The following PLEKHG1 variants were observed in gnomAD, a reference collection of about 807,000 sequenced individuals.
PLEKHG1 encodes the protein pleckstrin homology domain-containing family G member 1.
Under a neutral mutation model 100.8 loss-of-function variants are expected in PLEKHG1, and 44 were observed. That is an observed-to-expected ratio of 0.44 (90% CI 0.34 to 0.56). The LOEUF (loss-of-function observed/expected upper bound fraction) is 0.56, where lower values mean the gene tolerates loss of function less well. Ranked by LOEUF, PLEKHG1 falls within the 20% of genes least tolerant of loss-of-function variation. The pLI, the probability that PLEKHG1 is intolerant of heterozygous loss-of-function variation, is 0.01. For synonymous variants in PLEKHG1, 640 were observed against 662.5 expected (o/e 0.97, Z 0.52); for missense variants, 1,545 against 1,720.9 (o/e 0.90, Z 1.81).
chr6:150,808,158 T>C (rs1787256708), intron 7 of PLEKHG1, among the ~76,000 whole-genome samples: 1 of 152,080 alleles, frequency 6.6e-6, no homozygotes, highest in Non-Finnish European at 1.5e-5. Flanking sequence ...TGTATGCCTG[T>C]CAAAATATAT....
At chr6:150,716,033 G>A (rs1283198025) in intron 3 of PLEKHG1, among the ~76,000 whole-genome samples, 4 of 149,124 alleles carry the variant, frequency 2.7e-5, no homozygotes, top group African/African-American at 7.4e-5. Flanking sequence ...GCGTGAACCC[G>A]GGAGGCGGAG....
intron 5 of PLEKHG1, among the ~76,000 whole-genome samples, chr6:150,796,742 C>T (rs1786356421): frequency 6.6e-6 from 1 of 152,098 alleles, no homozygotes; most frequent in East Asian, 1.9e-4. Flanking sequence ...CACCCCTGCC[C>T]CTTCCCCATT....
intron 1 of PLEKHG1, among the ~76,000 whole-genome samples, chr6:150,602,943 A>T (rs543522407): frequency 3.0e-4 from 45 of 151,984 alleles, no homozygotes; most frequent in African/African-American, 8.4e-4. Flanking sequence ...TAGCCGGGCG[A>T]GGTGGCGGGC....
In PLEKHG1 at chr6:150,758,561, C is replaced by T. The variant is rs1413973522; in HGVS notation, c.412-10077C>T. 2.0e-5 allele frequency among the ~76,000 whole-genome samples: 3 copies of T among 152,296 alleles called. No homozygotes were observed. The East Asian group carries it at 5.8e-4, about 29-fold the overall frequency. ...TGTTGGTCAGGCTGGTCTCAAACTC[C>T]TGACCTCAGGTGATCTGCCTGCCTT... is the stretch of plus-strand genomic sequence containing the variant. On this transcript the variant is annotated intron_variant, in intron 2 of 15. Coordinates refer to ENST00000358517, the Ensembl canonical transcript of PLEKHG1.
At chr6:150,800,263 G>T (rs55908163) in intron 5 of PLEKHG1, among the ~76,000 whole-genome samples, 1 of 152,070 alleles carries the variant, frequency 6.6e-6, no homozygotes, top group African/African-American at 2.4e-5. Flanking sequence ...ATGCTCTGAC[G>T]GGGGGCTGGA....
At chr6:150,627,759 A>G (rs1425810204) in intron 1 of PLEKHG1, among the ~76,000 whole-genome samples, 2 of 152,230 alleles carry the variant, frequency 1.3e-5, no homozygotes, top group East Asian at 3.8e-4. Context: ...TTGCATATAA[A>G]TATCTGTGTC....
At chr6:150,708,386 A>G (rs556662808) in intron 3 of PLEKHG1, among the ~76,000 whole-genome samples, 1 of 152,256 alleles carries the variant, frequency 6.6e-6, no homozygotes, top group South Asian at 2.1e-4. Flanking sequence ...TCTCAGCCCC[A>G]GCCCCACCTT....
chr6:150,783,864 A>C (rs1169064087), intron 3 of PLEKHG1, among the ~76,000 whole-genome samples: 1 of 152,180 alleles, frequency 6.6e-6, no homozygotes, highest in Admixed American at 6.5e-5. Context: ...TAGAAAAATA[A>C]TTTTACTACT....
intron 1 of PLEKHG1, among the ~76,000 whole-genome samples, chr6:150,731,411 A>G (rs11754014): frequency 0.19 from 28,828 of 152,148 alleles, 4,377 homozygotes; most frequent in African/African-American, 0.42. Flanking sequence ...TAGTTCCTTC[A>G]TTTTATTTTC....
intron 1 of PLEKHG1, among the ~76,000 whole-genome samples, chr6:150,636,345 G>A (rs1777997686): frequency 1.3e-5 from 2 of 152,132 alleles, no homozygotes; most frequent in Non-Finnish European, 2.9e-5. Context: ...CTTTTGAGAG[G>A]GAGAGAGAAA....
intron 3 of PLEKHG1, among the ~76,000 whole-genome samples, chr6:150,703,574 C>G (rs1171036064): frequency 1.3e-5 from 2 of 148,264 alleles, no homozygotes; most frequent in African/African-American, 5.2e-5. Flanking sequence ...GCACTCTTGC[C>G]TGGGCGACAG....
At chr6:150,690,144 C>T (rs1287376862) in intron 3 of PLEKHG1, among the ~76,000 whole-genome samples, 1 of 152,150 alleles carries the variant, frequency 6.6e-6, no homozygotes, top group Non-Finnish European at 1.5e-5. Context: ...CTCCTGGCTG[C>T]TCAACAGTGT....
At chr6:150,824,896 A>C (rs1325476673) in intron 14 of PLEKHG1, among the ~76,000 whole-genome samples, 1 of 152,028 alleles carries the variant, frequency 6.6e-6, no homozygotes. Context: ...CAGGTAGTAC[A>C]TGCTTTTGTT....
intron 14 of PLEKHG1, among the ~76,000 whole-genome samples, chr6:150,825,159 C>CTGG (rs1302349587): frequency 4.6e-5 from 7 of 152,030 alleles, no homozygotes; most frequent in African/African-American, 1.7e-4. Context: ...ATAACCAAAC[C>CTGG]TTATGAAATA....
At chr6:150,764,109 TTC>T (rs1784327772) in intron 2 of PLEKHG1, among the ~76,000 whole-genome samples, 1 of 126,104 alleles carries the variant, frequency 7.9e-6, no homozygotes, top group Non-Finnish European at 1.6e-5. Flanking sequence ...CTCTCCTATT[TTC>T]TTTTTCTTTT....
chr6:150,610,609 A>G (rs1479784365), intron 1 of PLEKHG1, among the ~76,000 whole-genome samples: 1 of 152,256 alleles, frequency 6.6e-6, no homozygotes, highest in Non-Finnish European at 1.5e-5. Context: ...ATATTTAAAT[A>G]GGAAAGAAGA....
chr6:150,816,969 T>C (rs1775997034), intron 10 of PLEKHG1, among the ~76,000 whole-genome samples: 1 of 152,102 alleles, frequency 6.6e-6, no homozygotes, highest in Non-Finnish European at 1.5e-5. Context: ...ACTGATCTGA[T>C]AGGAGGCAGA....
chr6:150,643,017 G>A (rs561980534), intron 2 of PLEKHG1, among the ~76,000 whole-genome samples: 29 of 152,222 alleles, frequency 1.9e-4, no homozygotes, highest in South Asian at 8.3e-4. Context: ...AAATAGTGAC[G>A]GAATCCCCAG....
chr6:150,766,311 AAGC>A (rs147061192), intron 2 of PLEKHG1, among the ~76,000 whole-genome samples: 18,924 of 152,172 alleles, frequency 0.12, 1,598 homozygotes, highest in Non-Finnish European at 0.17. Flanking sequence ...TAAAATTAAT[AAGC>A]AGCATGACAG....
Sources: gnomAD v4.1 joint callset for allele counts (sites outside exome capture counted in the v4.1 genomes callset) on GRCh38, gnomAD v4.1.1 for gene constraint, MANE v1.5 for transcripts, NCBI Gene and HGNC (gene_info 2026-07-23, HGNC 2026-07-21) for gene names.